The following EPN1 variants were observed in gnomAD, a reference collection of about 807,000 sequenced individuals.
EPN1 encodes epsin 1, also known as epsin-1.
In EPN1, 25 loss-of-function variants were observed where a neutral mutation model predicts 56.9. The observed-to-expected ratio is 0.44, with a 90% confidence interval of 0.32 to 0.61. The LOEUF (loss-of-function observed/expected upper bound fraction) is 0.61. Ranked by LOEUF, EPN1 falls within the 20% of genes least tolerant of loss-of-function variation. EPN1 has a pLI of 0.05. For synonymous variants in EPN1, 411 were observed against 361.8 expected (o/e 1.14, Z -1.54); for missense variants, 785 against 823.7 (o/e 0.95, Z 0.58).
In EPN1 at chr19:55,704,880, A is replaced by G. The variant is rs1307592295; in HGVS notation, c.*9524A>G. 1 of 152,346 alleles carries G rather than the reference A, an allele frequency of 6.6e-6. No homozygotes were observed. The highest frequency in any genetic ancestry group is 1.5e-5 in the Non-Finnish European group (1 of 68,110). 9.4% of individuals were successfully genotyped at this position (152,346 alleles called of 1,614,324 possible). ...CATTTCTGTTCCCTGGGAAATAAGC[A>G]TCGCAAGTGATCCGTAGAATGGTAG... On this transcript the variant is annotated 3_prime_UTR_variant, in exon 11 of 11. Coordinates refer to ENST00000270460, the MANE Select transcript of EPN1 (RefSeq NM_001130072.2).
rs899376414 is a variant in EPN1 at position 55,691,241 on chromosome 19, G to T, written c.763-513G>T. Among the ~76,000 whole-genome samples the T allele has an allele frequency of 6.6e-6, 1 of 152,140 alleles. No homozygotes were observed. The highest frequency in any genetic ancestry group is 2.4e-5 in the African/African-American group (1 of 41,416). On this transcript the variant is annotated intron_variant, in intron 6 of 10. Transcript: ENST00000270460. This position sits in a 1 kb window ranked among gnomAD's most constrained non-coding sequence, Gnocchi z 5.6. Reference sequence around the variant, plus strand: ...GCGCGATGACTGCGGGGTGACGGCGGGGCAACGTAGGGGGCATCGTGAGGG... The same window carrying T: ...GCGCGATGACTGCGGGGTGACGGCGTGGCAACGTAGGGGGCATCGTGAGGG...
rs1047042828 is a variant in EPN1 at position 55,696,026 on chromosome 19, C to G, written c.*670C>G. On this transcript the variant is annotated 3_prime_UTR_variant, in exon 11 of 11. Coordinates refer to ENST00000270460, the MANE Select transcript of EPN1 (RefSeq NM_001130072.2). ...GGCCAGACGCTTCCGGTGCAGGAGG[C>G]CTTGCTCTTGTGTTGAGGGGACACC... The G allele has an allele frequency of 2.0e-5, 3 of 152,986 alleles. No homozygotes were observed. Among genetic ancestry groups the G allele is most frequent in the South Asian group, 2.1e-4 (1 of 4,848 alleles). 9.5% of individuals were successfully genotyped at this position (152,986 alleles called of 1,614,324 possible).
rs1410781262 is a variant in EPN1 at position 55,705,998 on chromosome 19, A to T, written c.*10642A>T. The T allele has an allele frequency of 6.2e-6, 1 of 161,802 alleles. No homozygotes were observed. The highest frequency in any genetic ancestry group is 1.4e-5 in the Non-Finnish European group (1 of 74,066). 10.0% of individuals were successfully genotyped at this position (161,802 alleles called of 1,614,324 possible). Reference sequence around the variant, plus strand: ...TCAGGTATGCTGGATGGGAAGCCAGAGGTCTGCATAGCAGTTACAAAGAAG... The same window carrying T: ...TCAGGTATGCTGGATGGGAAGCCAGTGGTCTGCATAGCAGTTACAAAGAAG... On this transcript the variant is annotated 3_prime_UTR_variant, in exon 11 of 11. Transcript: ENST00000270460.
chr19:55,677,545 T>C, intron 1 of EPN1: 1 of 1,490,418 alleles, frequency 6.7e-7, no homozygotes, highest in South Asian at 1.2e-5. Context: ...TTATTTAACT[T>C]CCAGGAGCCC....
rs577590444 is a variant in EPN1 at position 55,685,691 on chromosome 19, G to A, written c.478+46G>A. 1.4e-5 allele frequency: 22 copies of A among 1,547,066 alleles called. No individual in the cohort carries two copies. The South Asian group carries it at 1.8e-4, about 12-fold the overall frequency. On this transcript the variant is annotated intron_variant, in intron 3 of 10. Transcript: ENST00000270460. ...CCTGACGGCCTAGAGTCTGTCCTCC[G>A]CCTACTGCGGCTCCCGGCACCCGGC...
At chr19:55,683,958 C>T (rs1986000205) in intron 2 of EPN1, among the ~76,000 whole-genome samples, 1 of 152,176 alleles carries the variant, frequency 6.6e-6, no homozygotes, top group East Asian at 1.9e-4. Context: ...TTTTCCTGGT[C>T]TGAACTCAGG....
At chr19:55,685,309 C>G in intron 2 of EPN1, 87 bp from the exon 3 acceptor site, 1 of 1,509,798 alleles carries the variant, frequency 6.6e-7, no homozygotes, top group Non-Finnish European at 8.9e-7. Flanking sequence ...TGCGCCCAGT[C>G]GGCCGCCCCA....
In EPN1 at chr19:55,677,604, C is replaced by T. The variant is rs367940444; in HGVS notation, c.-101-923C>T. The T allele has an allele frequency of 2.4e-4, 373 of 1,551,360 alleles. No individual in the cohort carries two copies. Among genetic ancestry groups the T allele is most frequent in the Non-Finnish European group, 3.0e-4 (345 of 1,146,792 alleles). On this transcript the variant is annotated intron_variant, in intron 1 of 10. Transcript: ENST00000270460. ...AAGGTAATGTCCCTCTTGTGCTGAG[C>T]GAGCACCTGGCACACAGCAGGGACC... is the stretch of plus-strand genomic sequence containing the variant.
intron 1 of EPN1, chr19:55,677,400 ACT>A (rs1370403244): frequency 4.6e-6 from 3 of 646,348 alleles, no homozygotes; most frequent in Non-Finnish European, 8.2e-6. Context: ...CATTTGCTTG[ACT>A]CTCTTGTTTC....
chr19:55,703,814 C>T lies in EPN1; in HGVS notation c.*8458C>T, dbSNP rs1160718091. On this transcript the variant is annotated 3_prime_UTR_variant, in exon 11 of 11. Coordinates refer to ENST00000270460, the MANE Select transcript of EPN1 (RefSeq NM_001130072.2). Reference sequence around the variant, plus strand: ...TTTTGATGGATTTAAGTTTAAGCACCTGCGTGTGAGCGGCTACCGCGTGGG... The same window carrying T: ...TTTTGATGGATTTAAGTTTAAGCACTTGCGTGTGAGCGGCTACCGCGTGGG... 6.6e-6 allele frequency: 1 copy of T among 152,246 alleles called. No individual in the cohort carries two copies. Among genetic ancestry groups the T allele is most frequent in the Non-Finnish European group, 1.5e-5 (1 of 68,046 alleles). 9.4% of individuals were successfully genotyped at this position (152,246 alleles called of 1,614,324 possible).
chr19:55,679,547 G>A (rs557818899), intron 2 of EPN1, among the ~76,000 whole-genome samples: 1 of 152,282 alleles, frequency 6.6e-6, no homozygotes, highest in East Asian at 1.9e-4. Context: ...TCTGCAGAAG[G>A]CCCGCTCTGG....
At position 55,703,778 on chromosome 19, in the gene EPN1, A is replaced by G. The variant is rs1987259438; in HGVS notation, c.*8422A>G. The G allele has an allele frequency of 6.6e-6, 1 of 152,218 alleles. No individual in the cohort carries two copies. The highest frequency in any genetic ancestry group is 1.9e-4 in the East Asian group (1 of 5,196). 9.4% of individuals were successfully genotyped at this position (152,218 alleles called of 1,614,324 possible). A position where few individuals can be genotyped will look rare whatever the true frequency, so the allele number is the denominator to read the frequency against. On this transcript the variant is annotated 3_prime_UTR_variant, in exon 11 of 11. Transcript: ENST00000270460. ...ATGTGGCCAGCATGAGATTTTTTTA[A>G]TCTTGCCAATTTTTGATGGATTTAA...
At position 55,707,365 on chromosome 19, in the gene EPN1, CAA is replaced by C. The variant is rs1180126111; in HGVS notation, c.*12011_*12012del. The C allele has an allele frequency of 6.6e-6, 1 of 152,224 alleles. No individual in the cohort carries two copies. The highest frequency in any genetic ancestry group is 1.5e-5 in the Non-Finnish European group (1 of 68,102). The allele number at this position is 152,224 out of a possible 1,614,324, so 9.4% of individuals were successfully genotyped here. ...CTAAAACAAAAGAAAGAACAAATAA[CAA>C]ATGAAAATAAATACCCAAAAACCAG... On this transcript the variant is annotated 3_prime_UTR_variant, in exon 11 of 11. Transcript: ENST00000270460.
chr19:55,680,927 A>T (rs964754634), intron 2 of EPN1, among the ~76,000 whole-genome samples: 2 of 152,192 alleles, frequency 1.3e-5, no homozygotes, highest in African/African-American at 4.8e-5. Flanking sequence ...ACATGGTCTC[A>T]TCTTGTCACT....
In EPN1 at chr19:55,703,618, G is replaced by C. The variant is rs946238903; in HGVS notation, c.*8262G>C. On this transcript the variant is annotated 3_prime_UTR_variant, in exon 11 of 11. Coordinates refer to ENST00000270460, the MANE Select transcript of EPN1 (RefSeq NM_001130072.2). ...GGATTACAGGCGTGAGCCACTGGGC[G>C]CAGCCTGGGATCCTCACTTTTTCGC... 1 of 152,234 alleles carries C rather than the reference G, an allele frequency of 6.6e-6. No individual in the cohort carries two copies. The highest frequency in any genetic ancestry group is 1.5e-5 in the Non-Finnish European group (1 of 68,082). The allele number at this position is 152,234 out of a possible 1,614,324, so 9.4% of individuals were successfully genotyped here. A position where few individuals can be genotyped will look rare whatever the true frequency, so the allele number is the denominator to read the frequency against.
In EPN1 at chr19:55,689,640, C is replaced by T. The variant is rs1285880428; in HGVS notation, c.679-227C>T. Among the ~76,000 whole-genome samples, 5 of 152,228 alleles carry T rather than the reference C, an allele frequency of 3.3e-5. No homozygotes were observed. The highest frequency in any genetic ancestry group is 5.9e-5 in the Non-Finnish European group (4 of 68,024). On this transcript the variant is annotated intron_variant, in intron 5 of 10. Transcript: ENST00000270460. This position sits in a 1 kb window ranked among gnomAD's most constrained non-coding sequence, Gnocchi z 5.7. The stretch of plus-strand genomic sequence containing the variant: ...AGGAGATACCACCGAGGCGGGTGCC[C>T]GTCCTCCCCGGGTGCGCCAGCACAG...
In EPN1 at chr19:55,704,484, G is replaced by A. The variant is rs56038728; in HGVS notation, c.*9128G>A. 6.6e-6 allele frequency: 1 copy of A among 152,266 alleles called. No homozygotes were observed. The highest frequency in any genetic ancestry group is 2.1e-4 in the South Asian group (1 of 4,834). The allele number at this position is 152,266 out of a possible 1,614,324, so 9.4% of individuals were successfully genotyped here. ...AGAAGACAGCCGTCTGGGAGCCAAG[G>A]AGAGAGGCCTTGGCGGAAGCCAACC... On this transcript the variant is annotated 3_prime_UTR_variant, in exon 11 of 11. Coordinates refer to ENST00000270460, the MANE Select transcript of EPN1 (RefSeq NM_001130072.2).
chr19:55,691,114 C>G lies in EPN1; in HGVS notation c.763-640C>G, dbSNP rs930113109. On this transcript the variant is annotated intron_variant, in intron 6 of 10. Coordinates refer to ENST00000270460, the MANE Select transcript of EPN1 (RefSeq NM_001130072.2). The surrounding 1 kb of genome is among the most constrained non-coding windows in gnomAD (Gnocchi z 5.6). Reference sequence around the variant, plus strand: ...AGCTGGGCCCGTCGTGTGCCCACTTCCAGAACACAGGACCATGCATGCGTG... The same window carrying G: ...AGCTGGGCCCGTCGTGTGCCCACTTGCAGAACACAGGACCATGCATGCGTG... 3.1e-4 allele frequency among the ~76,000 whole-genome samples: 47 copies of G among 152,312 alleles called. No individual in the cohort carries two copies. The highest frequency in any genetic ancestry group is 1.1e-3 in the African/African-American group (44 of 41,560).
intron 9 of EPN1, chr19:55,693,279 C>A (rs908053695): frequency 2.0e-6 from 1 of 507,920 alleles, no homozygotes; most frequent in Non-Finnish European, 3.5e-6. Context: ...GTTTCCCACC[C>A]GAATGTTGAC....
Sources: gnomAD v4.1 joint callset for allele counts (sites outside exome capture counted in the v4.1 genomes callset) on GRCh38, gnomAD v4.1.1 for gene constraint, Gnocchi (gnomAD v3.1) non-coding constraint, MANE v1.5 for transcripts, NCBI Gene and HGNC (gene_info 2026-07-23, HGNC 2026-07-21) for gene names.